The following FOXP1 variants were observed in gnomAD, a reference collection of about 807,000 sequenced individuals.
The protein encoded by FOXP1 is forkhead box protein P1.
In FOXP1, 15 loss-of-function variants were observed where a neutral mutation model predicts 98.2. The observed-to-expected ratio is 0.15, with a 90% CI of 0.10 to 0.24. FOXP1 has a LOEUF of 0.24. Ranked by LOEUF, FOXP1 falls within the 10% of genes least tolerant of loss-of-function variation. FOXP1 has a pLI of 1.00. For synonymous variants in FOXP1, 371 were observed against 314.5 expected (o/e 1.18, Z -1.90); for missense variants, 633 against 848.5 (o/e 0.75, Z 3.15).
intron 4 of FOXP1, among the ~76,000 whole-genome samples, chr3:71,310,603 G>T (rs73113421): frequency 6.6e-6 from 1 of 152,088 alleles, no homozygotes; most frequent in Non-Finnish European, 1.5e-5. Flanking sequence ...GGTCTTCCCC[G>T]ATTCCTGCCT....
intron 3 of FOXP1, among the ~76,000 whole-genome samples, chr3:71,384,696 T>C (rs972355340): frequency 6.6e-6 from 1 of 152,212 alleles, no homozygotes; most frequent in African/African-American, 2.4e-5. Flanking sequence ...TGTCACCAAC[T>C]GTAAAGGGTT....
chr3:71,011,809 A>G (rs899887427), intron 12 of FOXP1, among the ~76,000 whole-genome samples: 12 of 152,134 alleles, frequency 7.9e-5, no homozygotes, highest in Non-Finnish European at 1.6e-4. Context: ...ACCACAATAA[A>G]TAATTGATAG....
intron 5 of FOXP1, among the ~76,000 whole-genome samples, chr3:71,230,716 A>C (rs2066218543): frequency 6.6e-6 from 1 of 152,228 alleles, no homozygotes; most frequent in South Asian, 2.1e-4. Flanking sequence ...TGAATTCTCA[A>C]AACTGGGAAG....
chr3:71,581,874 T>TG, intron 1 of FOXP1, 177 bp from the exon 2 acceptor site: 1 of 984,292 alleles, frequency 1.0e-6, no homozygotes, highest in Non-Finnish European at 1.2e-6. Context: ...AGGGAATCCC[T>TG]GCAAGGATCC....
intron 19 of FOXP1, chr3:70,968,370 T>G (rs1316772685): frequency 6.6e-6 from 1 of 151,736 alleles, no homozygotes; most frequent in African/African-American, 2.4e-5. Flanking sequence ...AGTGTTTTTT[T>G]TTTTTTTTTT....
chr3:71,392,833 C>T (rs924260629), intron 3 of FOXP1, among the ~76,000 whole-genome samples: 1 of 152,148 alleles, frequency 6.6e-6, no homozygotes, highest in Non-Finnish European at 1.5e-5. Flanking sequence ...ACTGTAATAA[C>T]TCTTTCCAAG....
chr3:71,280,137 A>C (rs1487499883), intron 5 of FOXP1, among the ~76,000 whole-genome samples: 2 of 150,230 alleles, frequency 1.3e-5, no homozygotes, highest in Admixed American at 6.6e-5. Flanking sequence ...AAAAAAAAAA[A>C]AAAAAAAAAA....
chr3:71,547,767 A>C (rs1428173910), intron 2 of FOXP1, among the ~76,000 whole-genome samples: 1 of 152,204 alleles, frequency 6.6e-6, no homozygotes, highest in Non-Finnish European at 1.5e-5. Context: ...CATTCCAGCA[A>C]GGTCCAGAGA....
At chr3:71,467,964 T>C (rs547619610) in intron 3 of FOXP1, among the ~76,000 whole-genome samples, 1 of 152,316 alleles carries the variant, frequency 6.6e-6, no homozygotes, top group Admixed American at 6.5e-5. Context: ...ATTCATGATC[T>C]ACCAAAACTC....
In FOXP1 at chr3:71,272,477, A is replaced by G. The variant is rs374877376; in HGVS notation, c.-12+27343T>C. 1.8e-4 allele frequency among the ~76,000 whole-genome samples: 28 copies of G among 152,120 alleles called. No homozygotes were observed. In the East Asian group the frequency reaches 2.5e-3, roughly 14 times the overall value. On this transcript the variant is annotated intron_variant, in intron 5 of 20. Coordinates refer to ENST00000649528, the MANE Select transcript of FOXP1 (RefSeq NM_001349338.3). ...GGTGGGGGATTTCAGGAGGACAAGT[A>G]ACAGAAGATGGCCTCAGTAATAGAG...
chr3:71,203,047 A>C (rs530664143), intron 5 of FOXP1, among the ~76,000 whole-genome samples: 28 of 152,318 alleles, frequency 1.8e-4, no homozygotes, highest in African/African-American at 6.3e-4. Context: ...TGACAGCAGG[A>C]AACACTGTGT....
At chr3:71,011,255 T>A (rs1302850442) in intron 12 of FOXP1, among the ~76,000 whole-genome samples, 2 of 152,178 alleles carry the variant, frequency 1.3e-5, no homozygotes, top group African/African-American at 4.8e-5. Flanking sequence ...AGCCCCCATG[T>A]GGTTCACGTG....
chr3:71,550,317 C>G (rs1457683684), intron 2 of FOXP1, among the ~76,000 whole-genome samples: 1 of 152,164 alleles, frequency 6.6e-6, no homozygotes, highest in Non-Finnish European at 1.5e-5. Flanking sequence ...TCAATCCTAC[C>G]TATTCCACTT....
At chr3:71,359,294 G>C (rs1441160798) in intron 3 of FOXP1, 50 bp from the exon 4 acceptor site, 1 of 152,204 alleles carries the variant, frequency 6.6e-6, no homozygotes, top group Admixed American at 6.5e-5. Flanking sequence ...AAATGGTGAT[G>C]CTTCAAAAGC....
chr3:70,972,351 G>T (rs1575755196), intron 18 of FOXP1: 1 of 880,322 alleles, frequency 1.1e-6, no homozygotes, highest in Non-Finnish European at 1.8e-6. Context: ...CTACTAGCAT[G>T]TGATGCAACA....
chr3:71,213,218 T>A (rs1295292530), intron 5 of FOXP1, among the ~76,000 whole-genome samples: 3 of 152,310 alleles, frequency 2.0e-5, no homozygotes, highest in South Asian at 2.1e-4. Context: ...AGTGGTATAT[T>A]CCTCATTCAT....
chr3:71,403,656 C>G (rs1402889256), intron 3 of FOXP1, among the ~76,000 whole-genome samples: 1 of 152,188 alleles, frequency 6.6e-6, no homozygotes, highest in Non-Finnish European at 1.5e-5. Flanking sequence ...CAAGACCAGC[C>G]TGGGCAACAT....
intron 5 of FOXP1, chr3:71,210,909 T>C (rs569216052): frequency 7.2e-5 from 11 of 152,312 alleles, no homozygotes; most frequent in African/African-American, 2.6e-4. Context: ...TATTTTCTTT[T>C]CCTGAACCCT....
intron 5 of FOXP1, among the ~76,000 whole-genome samples, chr3:71,293,871 T>C (rs1307360951): frequency 6.6e-6 from 1 of 152,208 alleles, no homozygotes; most frequent in Non-Finnish European, 1.5e-5. Flanking sequence ...ACAGTAATTT[T>C]TCCCCAGTTC....
Sources: allele counts gnomAD v4.1 joint callset (sites outside exome capture counted in the v4.1 genomes callset), GRCh38; gene constraint gnomAD v4.1.1; transcripts MANE v1.5; gene names NCBI Gene and HGNC (gene_info 2026-07-23, HGNC 2026-07-21).